Variants in GALNTL6 observed in about 807,000 individuals in gnomAD.
The protein encoded by GALNTL6 is polypeptide N-acetylgalactosaminyltransferase like 6.
In GALNTL6, 46 loss-of-function variants were observed where a neutral mutation model predicts 73.7. That is an observed-to-expected ratio of 0.62 (90% CI 0.49 to 0.80). The LOEUF is 0.80. Among genes scored for constraint, GALNTL6 ranks in the 30% least tolerant of loss-of-function variants. The pLI is 0.00. For missense variants in GALNTL6, 604 were observed against 755.0 expected, an observed-to-expected ratio of 0.80 and a Z score of 2.34; for synonymous variants, 259 against 263.7, an observed-to-expected ratio of 0.98 and a Z score of 0.17.
intron 7 of GALNTL6, among the ~76,000 whole-genome samples, chr4:172,849,061 A>G (rs1743667923): frequency 6.6e-6 from 1 of 152,110 alleles, no homozygotes; most frequent in Admixed American, 6.6e-5. Flanking sequence ...CCTGAAAGCA[A>G]CTAAAAGGAA....
chr4:172,237,158 A>G (rs1044007429), intron 3 of GALNTL6, among the ~76,000 whole-genome samples: 3 of 152,206 alleles, frequency 2.0e-5, no homozygotes, highest in Non-Finnish European at 2.9e-5. Context: ...GTTATGGTGA[A>G]TAGTGCTGCA....
chr4:172,254,303 G>T (rs1156727746), intron 3 of GALNTL6, among the ~76,000 whole-genome samples: 1 of 151,596 alleles, frequency 6.6e-6, no homozygotes, highest in African/African-American at 2.4e-5. Flanking sequence ...CAATATAAGT[G>T]AAACAAAAAA....
At chr4:172,613,789 C>T (rs186099627) in intron 5 of GALNTL6, among the ~76,000 whole-genome samples, 2 of 152,094 alleles carry the variant, frequency 1.3e-5, no homozygotes, top group African/African-American at 4.8e-5. Context: ...TTTTTCCTTC[C>T]TCTGCTATTT....
At chr4:171,988,789 G>A (rs1273865001) in intron 2 of GALNTL6, among the ~76,000 whole-genome samples, 2 of 152,102 alleles carry the variant, frequency 1.3e-5, no homozygotes, top group Non-Finnish European at 2.9e-5. Flanking sequence ...CATTGAGCCG[G>A]GTAAGAGTGA....
intron 7 of GALNTL6, among the ~76,000 whole-genome samples, chr4:172,856,237 G>T (rs1364808159): frequency 6.6e-6 from 1 of 152,162 alleles, no homozygotes; most frequent in Non-Finnish European, 1.5e-5. Flanking sequence ...TGCAATGAGT[G>T]ACTGGAACAA....
intron 2 of GALNTL6, among the ~76,000 whole-genome samples, chr4:172,024,480 G>A (rs960354785): frequency 6.6e-6 from 1 of 151,710 alleles, no homozygotes; most frequent in Non-Finnish European, 1.5e-5. Context: ...ACTATATGAT[G>A]GAAGATCTGA....
chr4:172,743,888 G>A (rs895562779), intron 5 of GALNTL6, among the ~76,000 whole-genome samples: 11 of 131,818 alleles, frequency 8.3e-5, no homozygotes, highest in Admixed American at 2.9e-4. Context: ...CTTCTGCACA[G>A]GCAAAACAGA....
chr4:171,864,531 A>G (rs1043104029), intron 2 of GALNTL6, among the ~76,000 whole-genome samples: 1 of 152,220 alleles, frequency 6.6e-6, no homozygotes, highest in Non-Finnish European at 1.5e-5. Context: ...TAAATTGCCC[A>G]CTGAATCTTT....
chr4:172,941,323 G>C (rs1341524267), intron 9 of GALNTL6, among the ~76,000 whole-genome samples: 1 of 152,188 alleles, frequency 6.6e-6, no homozygotes, highest in Non-Finnish European at 1.5e-5. Context: ...TAGAATATCT[G>C]AATAGTGATC....
chr4:172,108,426 A>C (rs2110974115), intron 2 of GALNTL6, among the ~76,000 whole-genome samples: 1 of 152,368 alleles, frequency 6.6e-6, no homozygotes, highest in South Asian at 2.1e-4. Context: ...CCAGTGGTTT[A>C]GTTCCAGTCT....
At chr4:172,296,945 T>C (rs1739699414) in intron 3 of GALNTL6, among the ~76,000 whole-genome samples, 1 of 152,180 alleles carries the variant, frequency 6.6e-6, no homozygotes, top group Non-Finnish European at 1.5e-5. Flanking sequence ...CACACTGACT[T>C]CCACAGTGGT....
intron 4 of GALNTL6, among the ~76,000 whole-genome samples, chr4:172,317,925 G>A (rs1740619987): frequency 1.3e-5 from 2 of 152,152 alleles, no homozygotes; most frequent in African/African-American, 4.8e-5. Flanking sequence ...GACTGTTCAT[G>A]CACTCCAATT....
chr4:172,754,646 C>G lies in GALNTL6; in HGVS notation c.554-54715C>G, dbSNP rs80197690. Among the ~76,000 whole-genome samples the G allele has an allele frequency of 1.6e-4, 25 of 152,150 alleles. No individual in the cohort carries two copies. In the East Asian group the frequency reaches 4.1e-3, roughly 25 times the overall value. On this transcript the variant is annotated intron_variant, in intron 5 of 12. Transcript: ENST00000506823. ...ATGCATTATAGGTTATCAAAAGTATCTCCTATCTAAACTCTAAAATACAAA... is the reference window on the plus strand; with the variant it reads ...ATGCATTATAGGTTATCAAAAGTATGTCCTATCTAAACTCTAAAATACAAA...
intron 2 of GALNTL6, among the ~76,000 whole-genome samples, chr4:172,143,747 GTCATCT>G (rs1173063501): frequency 6.6e-6 from 1 of 152,014 alleles, no homozygotes; most frequent in African/African-American, 2.4e-5. Context: ...GTTACCATGA[GTCATCT>G]TATTTTTATA....
At chr4:172,278,229 C>A (rs1738903753) in intron 3 of GALNTL6, among the ~76,000 whole-genome samples, 1 of 152,030 alleles carries the variant, frequency 6.6e-6, no homozygotes, top group African/African-American at 2.4e-5. Flanking sequence ...TTAAGTTGAG[C>A]CAAAATGTTT....
chr4:171,949,547 G>A (rs1391555513), intron 2 of GALNTL6, among the ~76,000 whole-genome samples: 1 of 152,114 alleles, frequency 6.6e-6, no homozygotes, highest in Non-Finnish European at 1.5e-5. Flanking sequence ...AGAGGGTGAA[G>A]GTGAGGGGCA....
At chr4:171,838,935 T>C (rs966875432) in intron 2 of GALNTL6, among the ~76,000 whole-genome samples, 6 of 152,194 alleles carry the variant, frequency 3.9e-5, no homozygotes, top group African/African-American at 1.4e-4. Flanking sequence ...GACTGCTCTC[T>C]GCCGTCTAAA....
chr4:172,876,785 A>G (rs977171849), intron 7 of GALNTL6, among the ~76,000 whole-genome samples: 2 of 152,256 alleles, frequency 1.3e-5, no homozygotes, highest in East Asian at 1.9e-4. Flanking sequence ...CAATGCTTTC[A>G]TACTTCAAAG....
chr4:172,207,320 A>T (rs181203284), intron 2 of GALNTL6, among the ~76,000 whole-genome samples: 1 of 152,106 alleles, frequency 6.6e-6, no homozygotes, highest in Non-Finnish European at 1.5e-5. Flanking sequence ...TGGAGAGTGG[A>T]TTATAGGAAG....
Sources: gnomAD v4.1 joint callset for allele counts (sites outside exome capture counted in the v4.1 genomes callset) on GRCh38, gnomAD v4.1.1 for gene constraint, MANE v1.5 for transcripts, NCBI Gene and HGNC (gene_info 2026-07-23, HGNC 2026-07-21) for gene names.